The following CNTN4 variants were observed in gnomAD, a reference collection of about 807,000 sequenced individuals.
The protein encoded by CNTN4 is contactin 4.
Under a neutral mutation model 122.5 loss-of-function variants are expected in CNTN4, and 77 were observed. The observed-to-expected ratio is 0.63, with a 90% CI of 0.52 to 0.76. The LOEUF is 0.76. CNTN4 is among the 30% of genes least tolerant of loss of function. CNTN4 has a pLI of 0.00. For missense variants in CNTN4, 1,256 were observed against 1,259.1 expected (o/e 1.00, Z 0.04); for synonymous variants, 512 against 447.0 (o/e 1.15, Z -1.83).
Position 3,039,873 on chromosome 3 carries a change from G to A in CNTN4, c.2164-164G>A. 6.0e-6 allele frequency: 4 copies of A among 670,564 alleles called. No individual in the cohort carries two copies. The South Asian group carries it at 6.5e-5, about 11-fold the overall frequency. 41.5% of individuals were successfully genotyped at this position (670,564 alleles called of 1,614,324 possible). On this transcript the variant is annotated intron_variant, in intron 19 of 24. Coordinates refer to ENST00000418658, the MANE Select transcript of CNTN4 (RefSeq NM_175607.3). ...TGTCCAGTACATCATAACTGTTTAA[G>A]ATAGACTGACTGCAAGCCCTAAATT... is the stretch of plus-strand genomic sequence containing the variant.
intron 14 of CNTN4, among the ~76,000 whole-genome samples, chr3:3,002,521 T>C (rs1696152449): frequency 6.6e-6 from 1 of 152,156 alleles, no homozygotes; most frequent in African/African-American, 2.4e-5. Flanking sequence ...ACTTGAGATA[T>C]GACCTACTTT....
chr3:2,981,957 G>C (rs1435920486), intron 13 of CNTN4, among the ~76,000 whole-genome samples: 2 of 152,090 alleles, frequency 1.3e-5, no homozygotes, highest in Non-Finnish European at 2.9e-5. Flanking sequence ...AGAATCGCAT[G>C]TACCCAGGAG....
intron 4 of CNTN4, among the ~76,000 whole-genome samples, chr3:2,698,933 G>A (rs2086199775): frequency 1.3e-5 from 2 of 152,060 alleles, no homozygotes; most frequent in South Asian, 4.1e-4. Context: ...TGAGGCCGGA[G>A]AATTGCTGGA....
Position 2,268,021 on chromosome 3 carries a change from A to G in CNTN4, c.-144-71157A>G, listed in dbSNP as rs2041124834. 1.3e-5 allele frequency among the ~76,000 whole-genome samples: 2 copies of G among 152,252 alleles called. 1 individual carries two copies. Among genetic ancestry groups the G allele is most frequent in the South Asian group, 4.1e-4 (2 of 4,828 alleles). ...AAGGTGTGGTTCATAGGAATTGATC[A>G]TGGAATGGATGTGGGCTGTGAGAAA... On this transcript the variant is annotated intron_variant, in intron 2 of 24. Transcript: ENST00000418658.
chr3:2,915,117 G>A (rs900271323), intron 12 of CNTN4, among the ~76,000 whole-genome samples: 1 of 152,196 alleles, frequency 6.6e-6, no homozygotes, highest in African/African-American at 2.4e-5. Flanking sequence ...CCAGGCTGGA[G>A]TGCAGTGTTG....
intron 2 of CNTN4, among the ~76,000 whole-genome samples, chr3:2,176,861 G>C (rs776329844): frequency 1.2e-4 from 19 of 152,098 alleles, no homozygotes; most frequent in Non-Finnish European, 2.2e-4. Context: ...TCAAGAAATT[G>C]GAACCCTTTC....
At chr3:2,102,179 G>C (rs1041408548) in intron 2 of CNTN4, among the ~76,000 whole-genome samples, 2 of 152,202 alleles carry the variant, frequency 1.3e-5, no homozygotes, top group Non-Finnish European at 2.9e-5. Flanking sequence ...AGAATCCAAG[G>C]AGTAAATGAG....
At chr3:2,642,227 G>A (rs184721984) in intron 4 of CNTN4, among the ~76,000 whole-genome samples, 14 of 152,318 alleles carry the variant, frequency 9.2e-5, no homozygotes, top group African/African-American at 2.9e-4. Context: ...AAGGCAGGAA[G>A]CATGCAGCAT....
intron 2 of CNTN4, among the ~76,000 whole-genome samples, chr3:2,201,745 G>A (rs982720792): frequency 6.6e-6 from 1 of 152,004 alleles, no homozygotes; most frequent in African/African-American, 2.4e-5. Flanking sequence ...GGCAAAAAAG[G>A]ATATTTTTTT....
chr3:2,933,023 C>T lies in CNTN4; in HGVS notation c.1358+7244C>T, dbSNP rs919965666. 1.6e-4 allele frequency among the ~76,000 whole-genome samples: 25 copies of T among 152,036 alleles called. 1 individual carries two copies. The highest frequency in any genetic ancestry group is 9.7e-4 in the East Asian group (5 of 5,142). On this transcript the variant is annotated intron_variant, in intron 13 of 24. Coordinates refer to ENST00000418658, the MANE Select transcript of CNTN4 (RefSeq NM_175607.3). ...ATTTTTAGTAGAGACGAAGTTTCAC[C>T]GTGTTAGCCAGGATGGTCTCGATCT...
chr3:2,929,024 A>G (rs2094497071), intron 13 of CNTN4, among the ~76,000 whole-genome samples: 1 of 152,214 alleles, frequency 6.6e-6, no homozygotes, highest in Admixed American at 6.5e-5. Context: ...AGCCTTATCT[A>G]TGTTAATCCA....
At chr3:3,045,829 C>G (rs949832077) in intron 23 of CNTN4, among the ~76,000 whole-genome samples, 1 of 152,100 alleles carries the variant, frequency 6.6e-6, no homozygotes, top group Non-Finnish European at 1.5e-5. Context: ...CAAACTTCTC[C>G]GAGCTAAAGG....
chr3:2,466,970 C>CTTTTTTTTTTTTTTTTTTTTTTTCT (rs60879017), intron 3 of CNTN4, among the ~76,000 whole-genome samples: 1 of 115,812 alleles, frequency 8.6e-6, no homozygotes, highest in Non-Finnish European at 1.7e-5. Flanking sequence ...TTCTTTCTTT[C>CTTTTTTTTTTTTTTTTTTTTTTTCT]TTTTTTTTTT....
chr3:2,706,333 G>T (rs561865608), intron 4 of CNTN4, among the ~76,000 whole-genome samples: 1 of 152,012 alleles, frequency 6.6e-6, no homozygotes, highest in Non-Finnish European at 1.5e-5. Context: ...TGTCATTTCT[G>T]AGAAAATAGT....
At chr3:2,771,723 T>C (rs1358381024) in intron 6 of CNTN4, among the ~76,000 whole-genome samples, 4 of 152,220 alleles carry the variant, frequency 2.6e-5, no homozygotes, top group Admixed American at 6.5e-5. Flanking sequence ...GAAGATCTTG[T>C]ACTTTAGTGG....
At chr3:2,828,504 T>C (rs538505113) in intron 7 of CNTN4, among the ~76,000 whole-genome samples, 1 of 152,314 alleles carries the variant, frequency 6.6e-6, no homozygotes, top group East Asian at 1.9e-4. Context: ...ACTGCTACTA[T>C]GCCATTTTCC....
chr3:2,466,950 C>T (rs1446651092), intron 3 of CNTN4, among the ~76,000 whole-genome samples: 11 of 130,024 alleles, frequency 8.5e-5, no homozygotes, highest in African/African-American at 2.9e-4. Flanking sequence ...TAGTTTTTTT[C>T]TTTCTTTCTT....
At chr3:2,206,217 T>A (rs949988076) in intron 2 of CNTN4, among the ~76,000 whole-genome samples, 1 of 152,016 alleles carries the variant, frequency 6.6e-6, no homozygotes, top group African/African-American at 2.4e-5. Flanking sequence ...TTCCAAACAA[T>A]AGGGAAACAT....
At chr3:2,444,663 G>C (rs957160182) in intron 3 of CNTN4, among the ~76,000 whole-genome samples, 40 of 152,046 alleles carry the variant, frequency 2.6e-4, no homozygotes, top group African/African-American at 9.4e-4. Flanking sequence ...TAGCTCACCT[G>C]TTAGACCATG....
Sources: allele counts gnomAD v4.1 joint callset (sites outside exome capture counted in the v4.1 genomes callset), GRCh38; gene constraint gnomAD v4.1.1; transcripts MANE v1.5; gene names NCBI Gene and HGNC (gene_info 2026-07-23, HGNC 2026-07-21).